CCDC73: variants seen among roughly 807,000 people sequenced by gnomAD.
CCDC73 encodes the protein coiled-coil domain containing 73, also known as coiled-coil domain-containing protein 73.
CCDC73 carries 95 observed loss-of-function variants against 116.5 expected under a neutral mutation model. That is an observed-to-expected ratio of 0.82 (90% CI 0.69 to 0.97). The LOEUF is 0.97. CCDC73 is among the 50% of genes least tolerant of loss of function. CCDC73 has a pLI of 0.00. For synonymous variants in CCDC73, 398 were observed against 401.3 expected (o/e 0.99, Z 0.10); for missense variants, 1,066 against 1,206.8 (o/e 0.88, Z 1.73).
chr11:32,681,777 C>T (rs964267627), intron 7 of CCDC73: 1 of 151,678 alleles, frequency 6.6e-6, no homozygotes, highest in South Asian at 2.1e-4. Context: ...AATACTATAC[C>T]GCACTTTGAA....
intron 14 of CCDC73, among the ~76,000 whole-genome samples, chr11:32,622,757 T>C (rs117177850): frequency 0.028 from 4,274 of 150,550 alleles, 79 homozygotes; most frequent in Non-Finnish European, 0.039. Flanking sequence ...GATTAAATTA[T>C]ATATATAATA....
chr11:32,736,721 T>C (rs1043866552), intron 2 of CCDC73, among the ~76,000 whole-genome samples: 8 of 151,918 alleles, frequency 5.3e-5, no homozygotes, highest in South Asian at 2.1e-4. Flanking sequence ...CGTATGTTTA[T>C]TGCGGCACTA....
intron 2 of CCDC73, among the ~76,000 whole-genome samples, chr11:32,727,950 T>G (rs917261273): frequency 2.0e-5 from 3 of 152,286 alleles, no homozygotes; most frequent in African/African-American, 4.8e-5. Context: ...GCTGAAATTC[T>G]TTTGTAAAAT....
chr11:32,673,196 A>C (rs1180570040), intron 9 of CCDC73, among the ~76,000 whole-genome samples: 3 of 152,164 alleles, frequency 2.0e-5, no homozygotes, highest in South Asian at 2.1e-4. Flanking sequence ...TCATTAGGGA[A>C]TTGCAAATCA....
At chr11:32,765,138 G>A (rs1381439008) in intron 1 of CCDC73, among the ~76,000 whole-genome samples, 1 of 152,112 alleles carries the variant, frequency 6.6e-6, no homozygotes, top group African/African-American at 2.4e-5. Context: ...CCTACAAAGA[G>A]ACTTAGACTC....
At chr11:32,681,957 CTT>C (rs1229264240) in intron 7 of CCDC73, 1 of 151,634 alleles carries the variant, frequency 6.6e-6, no homozygotes, top group Non-Finnish European at 1.5e-5. Flanking sequence ...ACATATAAAA[CTT>C]TTTAAATTAA....
chr11:32,643,830 T>C (rs944489627), intron 12 of CCDC73, among the ~76,000 whole-genome samples: 4 of 152,102 alleles, frequency 2.6e-5, no homozygotes, highest in Non-Finnish European at 4.4e-5. Context: ...TTTTTAATTT[T>C]TTCTTTCTTC....
At chr11:32,788,957 A>C (rs1850649988) in intron 1 of CCDC73, among the ~76,000 whole-genome samples, 2 of 152,196 alleles carry the variant, frequency 1.3e-5, no homozygotes, top group Admixed American at 1.3e-4. Flanking sequence ...TTATCTCTAA[A>C]ATAAGAATGC....
At chr11:32,621,305 G>C (rs1312722085) in intron 14 of CCDC73, among the ~76,000 whole-genome samples, 1 of 152,106 alleles carries the variant, frequency 6.6e-6, no homozygotes, top group African/African-American at 2.4e-5. Context: ...AAACAACTTG[G>C]TATTGGTACC....
At chr11:32,801,191 C>T in the CCDC73 span, among the ~76,000 whole-genome samples, 6 of 152,172 alleles carry the variant, frequency 3.9e-5, no homozygotes, top group Non-Finnish European at 8.8e-5. Flanking sequence ...CAGACATCTG[C>T]TCATATCTCA....
At chr11:32,637,698 T>G (rs1855695388) in intron 13 of CCDC73, among the ~76,000 whole-genome samples, 1 of 152,062 alleles carries the variant, frequency 6.6e-6, no homozygotes, top group Non-Finnish European at 1.5e-5. Flanking sequence ...CCCAAGGTTC[T>G]TTCTTCTTTT....
At chr11:32,789,894 G>A (rs545582620) in intron 1 of CCDC73, among the ~76,000 whole-genome samples, 11 of 152,330 alleles carry the variant, frequency 7.2e-5, no homozygotes, top group African/African-American at 2.6e-4. Flanking sequence ...GAGAAAATCA[G>A]GGGTGGCTTG....
intron 2 of CCDC73, among the ~76,000 whole-genome samples, chr11:32,721,903 T>A (rs1849993522): frequency 6.6e-6 from 1 of 152,180 alleles, no homozygotes; most frequent in African/African-American, 2.4e-5. Context: ...AGCCTATGAC[T>A]CACTTTTATG....
chr11:32,632,792 G>A (rs1254670359), intron 14 of CCDC73, among the ~76,000 whole-genome samples: 4 of 151,582 alleles, frequency 2.6e-5, no homozygotes, highest in East Asian at 3.9e-4. Context: ...TTTTTTAACC[G>A]AATGAAAATG....
At chr11:32,677,711 T>C (rs1436364944) in intron 7 of CCDC73, among the ~76,000 whole-genome samples, 8 of 152,008 alleles carry the variant, frequency 5.3e-5, no homozygotes, top group South Asian at 2.1e-4. Context: ...TCCAGCACTT[T>C]GGGAGGATAA....
At chr11:32,681,439 G>T (rs1339375742) in intron 7 of CCDC73, 1 of 151,904 alleles carries the variant, frequency 6.6e-6, no homozygotes, top group African/African-American at 2.4e-5. Context: ...CAAAGGGGAG[G>T]TACTTTTAGG....
intron 2 of CCDC73, among the ~76,000 whole-genome samples, chr11:32,734,443 T>TA (rs1491293891): frequency 8.0e-6 from 1 of 125,574 alleles, no homozygotes; most frequent in African/African-American, 2.9e-5. Flanking sequence ...TTTTTTTTTT[T>TA]ATTGATCATT....
chr11:32,719,810 T>C (rs930452473), intron 2 of CCDC73, among the ~76,000 whole-genome samples: 5 of 152,178 alleles, frequency 3.3e-5, no homozygotes, highest in Non-Finnish European at 4.4e-5. Flanking sequence ...CTTAGAGAAA[T>C]TGGCCAATGT....
At chr11:32,771,191 G>A (rs1273944575) in intron 1 of CCDC73, among the ~76,000 whole-genome samples, 1 of 152,132 alleles carries the variant, frequency 6.6e-6, no homozygotes, top group Non-Finnish European at 1.5e-5. Flanking sequence ...AAAAGGGACT[G>A]ACACAGTTAA....
Sources: allele counts gnomAD v4.1 joint callset (sites outside exome capture counted in the v4.1 genomes callset), GRCh38; gene constraint gnomAD v4.1.1; transcripts MANE v1.5; gene names NCBI Gene and HGNC (gene_info 2026-07-23, HGNC 2026-07-21).